VPS13D: variants seen among roughly 807,000 people sequenced by gnomAD.
VPS13D encodes the protein vacuolar protein sorting 13 homolog D.
Under a neutral mutation model 461.9 loss-of-function variants are expected in VPS13D, and 187 were observed. The ratio of observed to expected loss-of-function variants is 0.40; its 90% CI spans 0.36 to 0.46. VPS13D has a LOEUF of 0.46. Ranked by LOEUF, VPS13D falls within the 20% of genes least tolerant of loss-of-function variation. VPS13D has a pLI of 0.60. For missense variants in VPS13D, 4,711 were observed against 5,364.9 expected, an observed-to-expected ratio of 0.88 and a Z score of 3.81; for synonymous variants, 1,951 against 1,986.3, an observed-to-expected ratio of 0.98 and a Z score of 0.47.
chr1:12,273,569 G>T (rs1368809031), intron 18 of VPS13D, among the ~76,000 whole-genome samples: 1 of 151,908 alleles, frequency 6.6e-6, no homozygotes, highest in Non-Finnish European at 1.5e-5. Flanking sequence ...TCCCCTTCTC[G>T]CTCCCCATCC....
rs1337173971 is a variant in VPS13D, at chr1:12,378,437, A to G, written c.10927A>G (p.Lys3643Glu). The part of the protein sequence containing the change: ...RVILKKKEPG[K>E]RSQLWRMTGT... ...TGTACCTACTTAACAGGAACCAGGA[A>G]AGCGTTCTCAGCTGTGGAGGATGAC... Residue 3643 changes from lysine (K) to glutamate (E), a missense_variant, in exon 56 of 70, where the codon AAG becomes GAG. Lys to Glu is a moderately conservative substitution (Grantham distance 56). Transcript: ENST00000620676. The G allele has an allele frequency of 6.2e-7, 1 of 1,602,318 alleles. No individual in the cohort carries two copies. Among genetic ancestry groups the G allele is most frequent in the Non-Finnish European group, 8.5e-7 (1 of 1,175,618 alleles).
chr1:12,460,311 G>A lies in VPS13D; in HGVS notation c.12577G>A (p.Val4193Ile), dbSNP rs750701530. The change falls in exon 67 of 70, where the codon GTA (valine) becomes ATA (isoleucine). Residue 4193 changes from valine (V) to isoleucine (I), a missense_variant. Transcript: ENST00000620676. ...CCTTGGAAAAGGGCTTGTTGGCACT[G>A]TAACCAAGCCAGTGGCAGGCGCCCT... ...SGLGKGLVGTVTKPVAGALDF... is the reference protein window; with the variant it reads ...SGLGKGLVGTITKPVAGALDF... 3 of 1,612,782 alleles carry A rather than the reference G, an allele frequency of 1.9e-6. No individual in the cohort carries two copies. Among genetic ancestry groups the A allele is most frequent in the East Asian group, 2.2e-5 (1 of 44,742 alleles).
In VPS13D at chr1:12,291,025, T is replaced by C. The variant is rs145061804; in HGVS notation, c.5753T>C (p.Ile1918Thr). 17 of 1,613,762 alleles carry C rather than the reference T, an allele frequency of 1.1e-5. No individual in the cohort carries two copies. The highest frequency in any genetic ancestry group is 4.5e-5 in the East Asian group (2 of 44,876). ...GGAGACCTGGCCTTACAGGGCAGCATTGGGAGTCTGTCTCTAAGTGACCTC... is the reference window on the plus strand; with the variant it reads ...GGAGACCTGGCCTTACAGGGCAGCACTGGGAGTCTGTCTCTAAGTGACCTC... Reference protein sequence around the residue: ...IEGDLALQGSIGSLSLSDLTC... With the variant: ...IEGDLALQGSTGSLSLSDLTC... Residue 1918 changes from isoleucine (I) to threonine (T), a missense_variant, in exon 23 of 70, where the codon ATT becomes ACT. By Grantham distance (89) the Ile-to-Thr change is moderately conservative. Transcript: ENST00000620676.
At chr1:12,452,745 C>A (rs1171924433) in intron 65 of VPS13D, among the ~76,000 whole-genome samples, 1 of 152,208 alleles carries the variant, frequency 6.6e-6, no homozygotes, top group African/African-American at 2.4e-5. Context: ...AAACGTCTTT[C>A]CCAGTAAAAT....
At chr1:12,439,330 A>T (rs1263506132) in intron 65 of VPS13D, among the ~76,000 whole-genome samples, 1 of 151,908 alleles carries the variant, frequency 6.6e-6, no homozygotes, top group East Asian at 1.9e-4. Context: ...AGGTCTCTGC[A>T]CTCAGTGTTC....
rs1238830072 is a variant in VPS13D, at chr1:12,363,103, C to T, written c.10304C>T (p.Thr3435Ile). 7.4e-6 allele frequency: 12 copies of T among 1,614,090 alleles called. No individual in the cohort carries two copies. In the South Asian group the frequency reaches 1.1e-4, roughly 15 times the overall value. ...GTANPEGYIS[T>I]LPGSSVVFHW... ...GCCAATCCCGAAGGTTACATTTCCACCCTTCCTGGTTCCAGTGTGGTGTTC... is the reference window on the plus strand; with the variant it reads ...GCCAATCCCGAAGGTTACATTTCCATCCTTCCTGGTTCCAGTGTGGTGTTC... The change falls in exon 52 of 70, where the codon ACC becomes ATC. Residue 3435 changes from threonine to isoleucine, a missense_variant. Thr to Ile is a moderately conservative substitution (Grantham distance 89). Around this residue, in one of 3 missense-constraint regions of VPS13D, gnomAD observed 4,411 missense variants for 4,937.8 expected, o/e 0.89. Transcript: ENST00000620676.
rs1411610119 is a variant in VPS13D, at chr1:12,365,811, T to G, written c.10448+2564T>G. Among the ~76,000 whole-genome samples the G allele has an allele frequency of 2.0e-5, 3 of 152,328 alleles. No individual in the cohort carries two copies. In the South Asian group the frequency reaches 6.2e-4, roughly 32 times the overall value. ...GCAAAATTTAATCTTTTATACTTTA[T>G]GGTCAGCTCTCTATTGAGAACACTA... On this transcript the variant is annotated intron_variant, in intron 52 of 69. Coordinates refer to ENST00000620676, the MANE Select transcript of VPS13D (RefSeq NM_015378.4).
chr1:12,275,872 C>T lies in VPS13D; in HGVS notation c.2284C>T (p.Gln762Ter). ...SRDGSASEETQFSDDEYKTPL... is the reference protein window; with the variant it reads ...SRDGSASEET Reference sequence around the variant, plus strand: ...GGATGGGTCAGCATCTGAAGAGACCCAGTTTAGTGATGATGAATATAAGAC... The same window carrying T: ...GGATGGGTCAGCATCTGAAGAGACCTAGTTTAGTGATGATGAATATAAGAC... Residue 762 changes from glutamine (Q) to a stop codon, truncating the protein, a stop_gained, in exon 19 of 70, where the codon CAG becomes TAG. Coordinates refer to ENST00000620676, the MANE Select transcript of VPS13D (RefSeq NM_015378.4). LOFTEE classifies it high-confidence loss of function. The T allele has an allele frequency of 6.2e-7, 1 of 1,612,620 alleles. No homozygotes were observed. The highest frequency in any genetic ancestry group is 8.5e-7 in the Non-Finnish European group (1 of 1,179,526).
At chr1:12,452,529 A>AAATAATGG (rs774790409) in intron 65 of VPS13D, among the ~76,000 whole-genome samples, 16 of 152,196 alleles carry the variant, frequency 1.1e-4, no homozygotes, top group Non-Finnish European at 2.2e-4. Flanking sequence ...TTTGAGGGAG[A>AAATAATGG]AATAATGGCT....
intron 60 of VPS13D, among the ~76,000 whole-genome samples, chr1:12,396,392 C>T (rs1210449539): frequency 6.6e-6 from 1 of 152,108 alleles, no homozygotes; most frequent in Admixed American, 6.5e-5. Context: ...TATTAACTTT[C>T]GGAGTTCTGA....
chr1:12,237,382 A>G lies in VPS13D; in HGVS notation c.97+3019A>G, dbSNP rs186339374. Among the ~76,000 whole-genome samples the G allele has an allele frequency of 9.7e-4, 144 of 147,858 alleles. 1 individual carries two copies. Among genetic ancestry groups the G allele is most frequent in the African/African-American group, 3.5e-3 (139 of 39,612 alleles). Reference sequence around the variant, plus strand: ...GTGGCGCATGCCTGTGGTCCCAGCTACTTGGGAGGCTGAGGTGGGAGGATC... The same window carrying G: ...GTGGCGCATGCCTGTGGTCCCAGCTGCTTGGGAGGCTGAGGTGGGAGGATC... On this transcript the variant is annotated intron_variant, in intron 2 of 69. Transcript: ENST00000620676.
Position 12,335,846 on chromosome 1 carries a change from T to C in VPS13D, c.8551+19T>C. On this transcript the variant is annotated intron_variant, in intron 39 of 69. Coordinates refer to ENST00000620676, the MANE Select transcript of VPS13D (RefSeq NM_015378.4). Reference sequence around the variant, plus strand: ...GGACAAAGTAAGAGTTTTCACTACATGTGTTTAACTAAATCACTTTTGACC... The same window carrying C: ...GGACAAAGTAAGAGTTTTCACTACACGTGTTTAACTAAATCACTTTTGACC... 1 of 1,613,848 alleles carries C rather than the reference T, an allele frequency of 6.2e-7. No homozygotes were observed. Among genetic ancestry groups the C allele is most frequent in the East Asian group, 2.2e-5 (1 of 44,854 alleles).
At chr1:12,454,391 A>G (rs1645299598) in intron 65 of VPS13D, among the ~76,000 whole-genome samples, 1 of 151,872 alleles carries the variant, frequency 6.6e-6, no homozygotes, top group Non-Finnish European at 1.5e-5. Flanking sequence ...GAAGTTATTA[A>G]TTTTCATTAA....
At chr1:12,236,834 A>G (rs985744249) in intron 2 of VPS13D, among the ~76,000 whole-genome samples, 1 of 152,182 alleles carries the variant, frequency 6.6e-6, no homozygotes. Flanking sequence ...TAACCTGGGT[A>G]GGTTATCAGT....
chr1:12,383,943 G>C (rs1391045325), intron 58 of VPS13D, among the ~76,000 whole-genome samples: 1 of 152,202 alleles, frequency 6.6e-6, no homozygotes, highest in East Asian at 1.9e-4. Context: ...TAAGAAAGAA[G>C]GCTGGAGATA....
intron 29 of VPS13D, among the ~76,000 whole-genome samples, chr1:12,312,892 T>C (rs1045276178): frequency 3.3e-5 from 5 of 152,258 alleles, no homozygotes; most frequent in Non-Finnish European, 7.3e-5. Context: ...AATTGCTCCC[T>C]TGAAATGGGG....
chr1:12,245,827 C>T (rs1338232860), intron 5 of VPS13D, among the ~76,000 whole-genome samples: 5 of 152,234 alleles, frequency 3.3e-5, no homozygotes. Context: ...CTAGATTTGC[C>T]TATTGTAGAC....
At chr1:12,386,021 G>A (rs12565819) in intron 59 of VPS13D, among the ~76,000 whole-genome samples, 164 bp from the exon 60 acceptor site, 2,873 of 152,294 alleles carry the variant, frequency 0.019, 106 homozygotes, top group Admixed American at 0.098. Flanking sequence ...TGAGATGATA[G>A]CATTTGAGCC....
In VPS13D at chr1:12,282,542, T is replaced by G. The variant is rs3765337; in HGVS notation, c.4603-163T>G. Among the ~76,000 whole-genome samples, 32,999 of 152,088 alleles carry G rather than the reference T, an allele frequency of 0.22. 6,560 individuals carry two copies. Among genetic ancestry groups the G allele is most frequent in the African/African-American group, 0.53 (21,814 of 41,430 alleles). The stretch of plus-strand genomic sequence containing the variant: ...GGAGGGCCTTGTGAACAGAAGTGGG[T>G]CATAAAGAGGTAAGGACAAAATAAA... On this transcript the variant is annotated intron_variant, in intron 20 of 69. Transcript: ENST00000620676.
Sources: allele counts gnomAD v4.1 joint callset (sites outside exome capture counted in the v4.1 genomes callset), GRCh38; gene constraint gnomAD v4.1.1; regional missense constraint gnomAD v4.1.1; transcripts MANE v1.5; gene names NCBI Gene and HGNC (gene_info 2026-07-23, HGNC 2026-07-21).